The following UBQLN1 variants were observed in gnomAD, a reference collection of about 807,000 sequenced individuals.
UBQLN1 encodes ubiquilin-1.
UBQLN1 carries 13 observed loss-of-function variants against 65.4 expected under a neutral mutation model. That is an observed-to-expected ratio of 0.20 (90% confidence interval 0.13 to 0.32). The LOEUF (loss-of-function observed/expected upper bound fraction) is 0.32, where lower values mean the gene tolerates loss of function less well. UBQLN1 is among the 10% of genes least tolerant of loss of function. UBQLN1 has a pLI of 1.00. For synonymous variants in UBQLN1, 267 were observed against 247.8 expected (o/e 1.08, Z -0.73); for missense variants, 561 against 724.0 (o/e 0.77, Z 2.58).
At chr9:83,666,318 A>G (rs747729906) in intron 8 of UBQLN1, 32 bp downstream of exon 8, 8 of 1,605,814 alleles carry the variant, frequency 5.0e-6, no homozygotes, top group Non-Finnish European at 6.8e-6. Context: ...GCAAATCATT[A>G]CCCAAGATAG....
intron 6 of UBQLN1, among the ~76,000 whole-genome samples, chr9:83,676,154 T>C (rs1022595805): frequency 3.3e-5 from 5 of 152,234 alleles, no homozygotes; most frequent in Admixed American, 6.5e-5. Flanking sequence ...TATGTGTGCA[T>C]ATATGTATGC....
At chr9:83,683,786 G>C (rs1831990790) in intron 2 of UBQLN1, among the ~76,000 whole-genome samples, 1 of 152,128 alleles carries the variant, frequency 6.6e-6, no homozygotes, top group Admixed American at 6.5e-5. Flanking sequence ...ACTTTGCGAG[G>C]CCGAGGCAGG....
At chr9:83,675,751 T>G (rs1831821417) in intron 6 of UBQLN1, among the ~76,000 whole-genome samples, 1 of 152,200 alleles carries the variant, frequency 6.6e-6, no homozygotes, top group Non-Finnish European at 1.5e-5. Context: ...GCTTTTGGAA[T>G]GAGTACGTAT....
intron 3 of UBQLN1, among the ~76,000 whole-genome samples, chr9:83,682,091 T>A (rs866807101): frequency 3.3e-5 from 5 of 152,126 alleles, no homozygotes; most frequent in Admixed American, 6.5e-5. Flanking sequence ...TAGACCATCC[T>A]GGCTAATATG....
At chr9:83,664,376 G>A (rs1017761050) in intron 9 of UBQLN1, among the ~76,000 whole-genome samples, 4 of 152,054 alleles carry the variant, frequency 2.6e-5, no homozygotes, top group Non-Finnish European at 5.9e-5. Context: ...CTGAGATCGC[G>A]CCACTGCACT....
At chr9:83,691,943 CTTATT>C (rs532046560) in intron 1 of UBQLN1, among the ~76,000 whole-genome samples, 2 of 152,178 alleles carry the variant, frequency 1.3e-5, no homozygotes, top group Non-Finnish European at 2.9e-5. Flanking sequence ...TAATTCAGTT[CTTATT>C]TTAAATTTCA....
intron 9 of UBQLN1, 83 bp downstream of exon 9, chr9:83,664,944 AAAG>A: frequency 6.1e-6 from 5 of 817,980 alleles, no homozygotes; most frequent in Admixed American, 7.0e-5. Context: ...AAAAAAAAAA[AAAG>A]GCAGGCAGAA....
chr9:83,665,246 C>T, intron 8 of UBQLN1, 101 bp from the exon 9 acceptor site: 1 of 824,448 alleles, frequency 1.2e-6, no homozygotes, highest in South Asian at 1.9e-5. Context: ...AATCTAAAAC[C>T]TTACTCCTGG....
At chr9:83,678,674 A>G in intron 4 of UBQLN1, 75 bp from the exon 5 acceptor site, 1 of 1,437,894 alleles carries the variant, frequency 7.0e-7, no homozygotes, top group Non-Finnish European at 9.4e-7. Flanking sequence ...TTACTTTATT[A>G]ACTGCCATTA....
intron 10 of UBQLN1, among the ~76,000 whole-genome samples, chr9:83,662,588 C>T (rs1831578497): frequency 6.6e-6 from 1 of 152,034 alleles, no homozygotes; most frequent in Non-Finnish European, 1.5e-5. Context: ...AATCCTAGGC[C>T]TACCTGATAA....
chr9:83,685,836 T>TA (rs1300266180), intron 2 of UBQLN1, among the ~76,000 whole-genome samples, 168 bp downstream of exon 2: 2 of 152,196 alleles, frequency 1.3e-5, no homozygotes, highest in African/African-American at 4.8e-5. Context: ...ACGTAAGCAT[T>TA]AACATGGAAT....
chr9:83,697,186 A>C (rs1303008391), intron 1 of UBQLN1, among the ~76,000 whole-genome samples: 1 of 151,438 alleles, frequency 6.6e-6, no homozygotes, highest in South Asian at 2.1e-4. Context: ...TCTACAGTCT[A>C]CTACTTAATA....
chr9:83,682,978 A>G lies in UBQLN1; in HGVS notation c.421T>C (p.Ser141Pro), dbSNP rs374176575. ...AAACCAAAAGGGTTGCTAGTAGCAG[A>G]ACCAGATGTAGAGTTACTATTAGGA... is the stretch of plus-strand genomic sequence containing the variant. ...STPNSNSTSG[S>P]ATSNPFGLGG... Residue 141 changes from serine to proline, a missense_variant, in exon 3 of 11, where the codon TCT (serine) becomes CCT (proline). By Grantham distance (74) the Ser-to-Pro change is moderately conservative (BLOSUM62 -1). Coordinates refer to ENST00000376395, the MANE Select transcript of UBQLN1 (RefSeq NM_013438.5). The G allele has an allele frequency of 1.2e-6, 2 of 1,611,602 alleles. No homozygotes were observed. Among genetic ancestry groups the G allele is most frequent in the African/African-American group, 2.7e-5 (2 of 74,872 alleles).
chr9:83,686,230 C>A, intron 1 of UBQLN1, 75 bp from the exon 2 acceptor site: 1 of 977,950 alleles, frequency 1.0e-6, no homozygotes, highest in Non-Finnish European at 1.4e-6. Flanking sequence ...ACAGGTACCT[C>A]ATAGAGGCCC....
intron 1 of UBQLN1, among the ~76,000 whole-genome samples, chr9:83,690,948 G>A (rs1386162830): frequency 6.6e-6 from 1 of 152,074 alleles, no homozygotes; most frequent in African/African-American, 2.4e-5. Context: ...GACTAGCCTA[G>A]CCAACATGGC....
At position 83,666,437 on chromosome 9, in the gene UBQLN1, T is replaced by C. The variant is rs1421918455; in HGVS notation, c.1249-4A>G. On this transcript the variant is annotated splice_polypyrimidine_tract_variant and splice_region_variant and intron_variant, in intron 7 of 10. Transcript: ENST00000376395. ...ATAGGGGATTATTCAGCATCATCTA[T>C]GGGGCAAGTGTTCAAACAATTTTAA... 15 of 1,613,492 alleles carry C rather than the reference T, an allele frequency of 9.3e-6. No individual in the cohort carries two copies. Among genetic ancestry groups the C allele is most frequent in the Non-Finnish European group, 1.3e-5 (15 of 1,179,644 alleles).
chr9:83,696,451 AC>A (rs1832217283), intron 1 of UBQLN1, among the ~76,000 whole-genome samples: 1 of 152,114 alleles, frequency 6.6e-6, no homozygotes, highest in African/African-American at 2.4e-5. Context: ...CTCTATAAAA[AC>A]AAACAAAAAA....
Position 83,662,273 on chromosome 9 carries a change from TACACACACACACAC to T in UBQLN1, c.1618-348_1618-335del, listed in dbSNP as rs370539805. The stretch of plus-strand genomic sequence containing the variant: ...GTGTGTGTGTATATACATATACATA[TACACACACACACAC>T]ACACACACACACACACACACACACA... On this transcript the variant is annotated intron_variant, in intron 10 of 10. Transcript: ENST00000376395. Among the ~76,000 whole-genome samples the T allele has an allele frequency of 1.9e-3, 266 of 143,436 alleles. 1 individual carries two copies. The highest frequency in any genetic ancestry group is 5.4e-3 in the Admixed American group (78 of 14,414). 94.1% of individuals were successfully genotyped at this position (143,436 alleles called of 152,430 possible).
chr9:83,687,887 A>C (rs1446019756), intron 1 of UBQLN1, among the ~76,000 whole-genome samples: 1 of 152,250 alleles, frequency 6.6e-6, no homozygotes, highest in Non-Finnish European at 1.5e-5. Context: ...TACTTCAGTA[A>C]ATATTTTGAA....
Sources: allele counts gnomAD v4.1 joint callset (sites outside exome capture counted in the v4.1 genomes callset), GRCh38; gene constraint gnomAD v4.1.1; transcripts MANE v1.5; gene names NCBI Gene and HGNC (gene_info 2026-07-23, HGNC 2026-07-21).